The following PCDHGB3 variants were observed in gnomAD, a reference collection of about 807,000 sequenced individuals.
PCDHGB3 encodes protocadherin gamma-B3.
PCDHGB3 carries 40 observed loss-of-function variants against 59.2 expected under a neutral mutation model. The observed-to-expected ratio is 0.68, with a 90% CI of 0.52 to 0.88. The LOEUF (loss-of-function observed/expected upper bound fraction) is 0.88, where lower values mean the gene tolerates loss of function less well. Ranked by LOEUF, PCDHGB3 falls within the 40% of genes least tolerant of loss-of-function variation. The pLI is 0.00. For missense variants in PCDHGB3, 1,309 were observed against 1,187.9 expected, an observed-to-expected ratio of 1.10 and a Z score of -1.50; for synonymous variants, 581 against 503.6, an observed-to-expected ratio of 1.15 and a Z score of -2.06.
Position 141,477,020 on chromosome 5 carries a change from G to C in PCDHGB3, c.2416-17787G>C, listed in dbSNP as rs1383192345. The C allele has an allele frequency of 6.2e-7, 1 of 1,614,224 alleles. No homozygotes were observed. The highest frequency in any genetic ancestry group is 8.5e-7 in the Non-Finnish European group (1 of 1,180,048). On this transcript the variant is annotated intron_variant, in intron 1 of 3. Coordinates refer to ENST00000576222, the MANE Select transcript of PCDHGB3 (RefSeq NM_018924.5). The surrounding 1 kb of genome is among the most constrained non-coding windows in gnomAD (Gnocchi z 4.9). ...ACTATTCGCCTTAGACCTTGTAACC[G>C]GGATGCTGACAATCAAGGGTCGGCT...
chr5:141,485,070 G>T lies in PCDHGB3; in HGVS notation c.2416-9737G>T. ...CGCCGGCCGAACCGCGCCAGAGCTG[G>T]CGCGGGGAAAGGGAGATAGGTGTCT... On this transcript the variant is annotated intron_variant, in intron 1 of 3. Coordinates refer to ENST00000576222, the MANE Select transcript of PCDHGB3 (RefSeq NM_018924.5). This position sits in a 1 kb window ranked among gnomAD's most constrained non-coding sequence, Gnocchi z 5.7. 1.1e-6 allele frequency: 1 copy of T among 908,406 alleles called. No individual in the cohort carries two copies. Among genetic ancestry groups the T allele is most frequent in the East Asian group, 2.4e-5 (1 of 41,326 alleles). 56.3% of individuals were successfully genotyped at this position (908,406 alleles called of 1,614,324 possible).
intron 1 of PCDHGB3, chr5:141,415,746 T>TTG: frequency 3.0e-6 from 2 of 662,596 alleles, no homozygotes; most frequent in Non-Finnish European, 3.7e-6. Flanking sequence ...TAAGGTTTTT[T>TTG]TTTTTTTTTT....
chr5:141,405,016 C>A (rs538744733), intron 1 of PCDHGB3: 1 of 1,614,006 alleles, frequency 6.2e-7, no homozygotes, highest in African/African-American at 1.3e-5. Flanking sequence ...AGGCCTCAGA[C>A]CTTACCCTCT....
intron 1 of PCDHGB3, chr5:141,419,926 G>C (rs1371764532): frequency 7.4e-6 from 12 of 1,613,978 alleles, no homozygotes; most frequent in Non-Finnish European, 8.5e-6. Flanking sequence ...CTGAGATGCA[G>C]TTTTACCTGG....
At position 141,374,383 on chromosome 5, in the gene PCDHGB3, G is replaced by A. The variant is rs192911480; in HGVS notation, c.2415+1574G>A. On this transcript the variant is annotated intron_variant, in intron 1 of 3. Transcript: ENST00000576222. ...GCGAGGAGCTCTGTGCTCAGAGCCC[G>A]CGGTGTCTGGTGAGTTTTAACATCC... is the stretch of plus-strand genomic sequence containing the variant. 3.7e-6 allele frequency: 6 copies of A among 1,614,036 alleles called. No homozygotes were observed. In the African/African-American group the frequency reaches 8.0e-5, roughly 22 times the overall value.
In PCDHGB3 at chr5:141,511,979, T is replaced by C. The variant is rs1205375941; in HGVS notation, c.*806T>C. ...AGGAAGGGAAGTGTGTGGATGTGGA[T>C]GGTGGGGGCATGGACAAAGCTTGAC... On this transcript the variant is annotated 3_prime_UTR_variant, in exon 4 of 4. Transcript: ENST00000576222. The C allele has an allele frequency of 6.5e-5, 10 of 153,278 alleles. No individual in the cohort carries two copies. The highest frequency in any genetic ancestry group is 1.5e-4 in the Non-Finnish European group (10 of 68,568). The allele number at this position is 153,278 out of a possible 1,614,324, so 9.5% of individuals were successfully genotyped here.
In PCDHGB3 at chr5:141,371,334, A is replaced by G. The variant is rs1767674983; in HGVS notation, c.940A>G (p.Ser314Gly). ...AGAACTGGACTTTGAAGAGAGAGAT[A>G]GCTACACAATTGGGGTGGAAGCAAA... is the stretch of plus-strand genomic sequence containing the variant. Reference protein sequence around the residue: ...IGELDFEERDSYTIGVEAKDG... With the variant: ...IGELDFEERDGYTIGVEAKDG... The change falls in exon 1 of 4, where the codon AGC becomes GGC. Residue 314 changes from serine (S) to glycine (G), a missense_variant. Coordinates refer to ENST00000576222, the MANE Select transcript of PCDHGB3 (RefSeq NM_018924.5). 5 of 1,613,888 alleles carry G rather than the reference A, an allele frequency of 3.1e-6. No homozygotes were observed. Among genetic ancestry groups the G allele is most frequent in the Non-Finnish European group, 4.2e-6 (5 of 1,179,884 alleles).
At position 141,450,007 on chromosome 5, in the gene PCDHGB3, T is replaced by TA. The variant is rs57702245; in HGVS notation, c.2416-44800_2416-44799insA. Among the ~76,000 whole-genome samples the TA allele has an allele frequency of 5.9e-4, 19 of 31,956 alleles. No homozygotes were observed. In the African/African-American group the frequency reaches 7.8e-3, roughly 13 times the overall value. 21.0% of individuals were successfully genotyped at this position (31,956 alleles called of 152,430 possible). A position where few individuals can be genotyped will look rare whatever the true frequency, so the allele number is the denominator to read the frequency against. On this transcript the variant is annotated intron_variant, in intron 1 of 3. Coordinates refer to ENST00000576222, the MANE Select transcript of PCDHGB3 (RefSeq NM_018924.5). Reference sequence around the variant, plus strand: ...ACATTGCATTTAGTTGCCATGTCTCTTTTTTTTTTTTTTTTTTGAGACAGG... The same window carrying TA: ...ACATTGCATTTAGTTGCCATGTCTCTATTTTTTTTTTTTTTTTTGAGACAGG...
rs2091100634 is a variant in PCDHGB3 at position 141,387,811 on chromosome 5, A to C, written c.2415+15002A>C. 4 of 1,528,618 alleles carry C rather than the reference A, an allele frequency of 2.6e-6. No individual in the cohort carries two copies. The South Asian group carries it at 5.1e-5, about 19-fold the overall frequency. 94.7% of individuals were successfully genotyped at this position (1,528,618 alleles called of 1,614,324 possible). ...CAACTAAAGTCCGTTCGGAGATCCA[A>C]AAATCTGCAATACAGAGGTTATTTG... On this transcript the variant is annotated intron_variant, in intron 1 of 3. Transcript: ENST00000576222.
intron 1 of PCDHGB3, chr5:141,399,935 A>G (rs2093920920): frequency 1.9e-6 from 3 of 1,612,300 alleles, no homozygotes; most frequent in Non-Finnish European, 2.5e-6. Context: ...CTGTCCTACC[A>G]CGTGCTGCAG....
chr5:141,379,963 G>A (rs1181673658), intron 1 of PCDHGB3, among the ~76,000 whole-genome samples: 1 of 124,340 alleles, frequency 8.0e-6, no homozygotes, highest in African/African-American at 3.0e-5. Context: ...GCAGTGGTGT[G>A]ATCTCTGCTC....
rs763097687 is a variant in PCDHGB3 at position 141,489,361 on chromosome 5, C to G, written c.2416-5446C>G. On this transcript the variant is annotated intron_variant, in intron 1 of 3. Transcript: ENST00000576222. This position sits in a 1 kb window ranked among gnomAD's most constrained non-coding sequence, Gnocchi z 4.5. Reference sequence around the variant, plus strand: ...TTACTCAGTGGTGGAGGAGTCTGAGCCGGGGACGCTGGTGGGGAATGTTGC... The same window carrying G: ...TTACTCAGTGGTGGAGGAGTCTGAGGCGGGGACGCTGGTGGGGAATGTTGC... 6.2e-7 allele frequency: 1 copy of G among 1,612,762 alleles called. No homozygotes were observed. Among genetic ancestry groups the G allele is most frequent in the African/African-American group, 1.3e-5 (1 of 74,874 alleles).
At chr5:141,372,877 A>C (rs778363950) in intron 1 of PCDHGB3, 68 bp downstream of exon 1, 1 of 1,270,298 alleles carries the variant, frequency 7.9e-7, no homozygotes, top group South Asian at 1.5e-5. Context: ...TAGAGATAAA[A>C]AGAATACAGA....
chr5:141,414,255 G>A (rs776584940), intron 1 of PCDHGB3: 12 of 1,613,350 alleles, frequency 7.4e-6, no homozygotes, highest in Non-Finnish European at 1.0e-5. Flanking sequence ...TTAGTCCAGT[G>A]ACTGAAGATT....
chr5:141,374,652 A>G, intron 1 of PCDHGB3: 1 of 1,612,302 alleles, frequency 6.2e-7, no homozygotes, highest in Non-Finnish European at 8.5e-7. Context: ...CATGGGCCCA[A>G]GTACCCGGAG....
At chr5:141,374,922 C>T in intron 1 of PCDHGB3, 2 of 1,613,928 alleles carry the variant, frequency 1.2e-6, no homozygotes, top group Non-Finnish European at 1.7e-6. Context: ...GTAACTTATT[C>T]CTTTGTGAAG....
chr5:141,471,591 A>T (rs925105880), intron 1 of PCDHGB3: 1 of 152,294 alleles, frequency 6.6e-6, no homozygotes, highest in South Asian at 2.1e-4. Context: ...AGTAATTGAT[A>T]GTTTCAAAAT....
intron 1 of PCDHGB3, among the ~76,000 whole-genome samples, chr5:141,453,974 T>C (rs1386640440): frequency 6.6e-6 from 1 of 152,242 alleles, no homozygotes; most frequent in Non-Finnish European, 1.5e-5. Flanking sequence ...CATGTAGTTG[T>C]GTTGCCTTCC....
chr5:141,423,050 G>C, intron 1 of PCDHGB3: 1 of 1,614,186 alleles, frequency 6.2e-7, no homozygotes, highest in Non-Finnish European at 8.5e-7. Flanking sequence ...CTGTCCTATC[G>C]CCTGCTTAAG....
Sources: allele counts gnomAD v4.1 joint callset (sites outside exome capture counted in the v4.1 genomes callset), GRCh38; gene constraint gnomAD v4.1.1; non-coding constraint Gnocchi (gnomAD v3.1); transcripts MANE v1.5; gene names NCBI Gene and HGNC (gene_info 2026-07-23, HGNC 2026-07-21).